Variants in AGAP1 observed in about 807,000 individuals in gnomAD.
AGAP1 encodes the protein arf-GAP with GTPase, ANK repeat and PH domain-containing protein 1.
Under a neutral mutation model 105.3 loss-of-function variants are expected in AGAP1, and 29 were observed. The observed-to-expected ratio is 0.28, with a 90% CI of 0.21 to 0.38. The LOEUF is 0.38. Among genes scored for constraint, AGAP1 ranks in the 10% least tolerant of loss-of-function variants. AGAP1 has a pLI of 1.00. For synonymous variants in AGAP1, 509 were observed against 485.9 expected, an observed-to-expected ratio of 1.05 and a Z score of -0.63; for missense variants, 998 against 1,165.1, an observed-to-expected ratio of 0.86 and a Z score of 2.09.
At chr2:235,696,778 A>G (rs1164579486) in intron 1 of AGAP1, among the ~76,000 whole-genome samples, 3 of 152,044 alleles carry the variant, frequency 2.0e-5, no homozygotes, top group Non-Finnish European at 4.4e-5. Context: ...TCCCCACCTT[A>G]TACGAGACCA....
chr2:235,825,438 A>G (rs1575562345), intron 9 of AGAP1, among the ~76,000 whole-genome samples: 2 of 152,070 alleles, frequency 1.3e-5, no homozygotes, highest in South Asian at 2.1e-4. Context: ...AACTATTATT[A>G]TTCATTTTAG....
chr2:235,547,386 T>A (rs2149107657), intron 1 of AGAP1, among the ~76,000 whole-genome samples: 1 of 146,188 alleles, frequency 6.8e-6, no homozygotes, highest in Admixed American at 7.1e-5. Context: ...TGAGATGGAG[T>A]CTCGCTCTGT....
chr2:236,071,522 C>T (rs1391443831), intron 16 of AGAP1, among the ~76,000 whole-genome samples: 1 of 152,184 alleles, frequency 6.6e-6, no homozygotes, highest in Non-Finnish European at 1.5e-5. Flanking sequence ...ACACTGGGGC[C>T]ATGCGATCTA....
At chr2:236,023,303 C>T (rs1300457066) in intron 13 of AGAP1, among the ~76,000 whole-genome samples, 1 of 152,110 alleles carries the variant, frequency 6.6e-6, no homozygotes, top group East Asian at 1.9e-4. Context: ...TCCAGCCTGG[C>T]ACCTCCCTTG....
chr2:235,780,292 T>C (rs1220172468), intron 6 of AGAP1, among the ~76,000 whole-genome samples: 2 of 152,232 alleles, frequency 1.3e-5, no homozygotes, highest in East Asian at 3.8e-4. Flanking sequence ...AAAGATATCA[T>C]TGGCAGATGC....
Position 236,078,037 on chromosome 2 carries a change from TTGTGTGTGTGTGTGTGTG to T in AGAP1, c.2114+28776_2114+28793del, listed in dbSNP as rs9287595. Among the ~76,000 whole-genome samples the T allele has an allele frequency of 5.7e-3, 803 of 140,498 alleles. 6 individuals carry two copies. Among genetic ancestry groups the T allele is most frequent in the African/African-American group, 0.021 (777 of 37,752 alleles). 92.2% of individuals were successfully genotyped at this position (140,498 alleles called of 152,430 possible). A position where few individuals can be genotyped will look rare whatever the true frequency, so the allele number is the denominator to read the frequency against. On this transcript the variant is annotated intron_variant, in intron 16 of 17. Coordinates refer to ENST00000304032, the MANE Select transcript of AGAP1 (RefSeq NM_001037131.3). The surrounding 1 kb of genome is among the most constrained non-coding windows in gnomAD (Gnocchi z 5.3). ...AGGGTTCTCCAGAGAAACAACCAAT[TTGTGTGTGTGTGTGTGTG>T]TGTGTGTGTGTGTGTGTGTAATCTG...
chr2:235,590,173 G>T (rs1460243110), intron 1 of AGAP1, among the ~76,000 whole-genome samples: 1 of 152,092 alleles, frequency 6.6e-6, no homozygotes, highest in Admixed American at 6.6e-5. Flanking sequence ...GAGCCACCGC[G>T]CCCGGCCCTT....
At chr2:235,895,307 TG>T (rs2050749801) in intron 10 of AGAP1, among the ~76,000 whole-genome samples, 1 of 152,084 alleles carries the variant, frequency 6.6e-6, no homozygotes, top group East Asian at 1.9e-4. Flanking sequence ...CCCGCTTGGT[TG>T]ATGTCCGTGC....
intron 1 of AGAP1, among the ~76,000 whole-genome samples, chr2:235,538,427 A>ATGTGTGTGTGTGTGTGTG (rs57515821): frequency 0.12 from 15,892 of 135,120 alleles, 1,289 homozygotes; most frequent in Admixed American, 0.18. Context: ...CTCAGCCACT[A>ATGTGTGTGTGTGTGTGTG]TGTGTGTGTG....
intron 1 of AGAP1, among the ~76,000 whole-genome samples, chr2:235,518,658 G>A (rs917420289): frequency 1.3e-5 from 2 of 152,160 alleles, no homozygotes; most frequent in Non-Finnish European, 2.9e-5. Context: ...GAGTGACATG[G>A]TGTTTTGAAT....
At chr2:235,773,738 A>T in intron 6 of AGAP1, 2 of 364,844 alleles carry the variant, frequency 5.5e-6, no homozygotes, top group South Asian at 4.4e-5. Flanking sequence ...GTCCTCTCCT[A>T]TGGAAGTTTC....
At chr2:235,933,277 C>G (rs2052813553) in intron 12 of AGAP1, among the ~76,000 whole-genome samples, 1 of 151,820 alleles carries the variant, frequency 6.6e-6, no homozygotes, top group South Asian at 2.1e-4. Flanking sequence ...GGACAAAGAC[C>G]CAGAGAGGAG....
intron 1 of AGAP1, among the ~76,000 whole-genome samples, chr2:235,511,703 C>G (rs1942118293): frequency 6.6e-5 from 10 of 152,128 alleles, no homozygotes; most frequent in Admixed American, 6.5e-4. Flanking sequence ...GAGAGTTCCC[C>G]TGGCAGTTCT....
chr2:235,833,211 C>T (rs1575579569), intron 9 of AGAP1, among the ~76,000 whole-genome samples: 1 of 152,196 alleles, frequency 6.6e-6, no homozygotes, highest in Non-Finnish European at 1.5e-5. Context: ...GCACCGTCGG[C>T]CTGCCGCCGT....
intron 8 of AGAP1, among the ~76,000 whole-genome samples, chr2:235,806,875 A>G (rs1446763971): frequency 6.6e-6 from 1 of 152,244 alleles, no homozygotes. Flanking sequence ...CCAAATAAAC[A>G]TTGAGCAGCC....
rs1358175715 is a variant in AGAP1 at position 235,724,078 on chromosome 2, C to G, written c.310+6434C>G. 6.6e-6 allele frequency among the ~76,000 whole-genome samples: 1 copy of G among 152,244 alleles called. No individual in the cohort carries two copies. Among genetic ancestry groups the G allele is most frequent in the Non-Finnish European group, 1.5e-5 (1 of 68,050 alleles). Reference sequence around the variant, plus strand: ...CAGGCATGATGTGGGAGCGTTGGCCCTGGCATTCCCGGGTCTTCATGAGCT... The same window carrying G: ...CAGGCATGATGTGGGAGCGTTGGCCGTGGCATTCCCGGGTCTTCATGAGCT... On this transcript the variant is annotated intron_variant, in intron 3 of 17. Transcript: ENST00000304032. This position sits in a 1 kb window ranked among gnomAD's most constrained non-coding sequence, Gnocchi z 4.9.
intron 16 of AGAP1, among the ~76,000 whole-genome samples, chr2:236,065,693 C>T (rs572358918): frequency 3.9e-5 from 6 of 152,240 alleles, no homozygotes; most frequent in African/African-American, 9.6e-5. Context: ...AACACATCAT[C>T]TCCATCATCC....
chr2:235,968,634 C>T lies in AGAP1; in HGVS notation c.1645+11C>T, dbSNP rs371594300. On this transcript the variant is annotated intron_variant, in intron 13 of 17. Coordinates refer to ENST00000304032, the MANE Select transcript of AGAP1 (RefSeq NM_001037131.3). ...CCGGCACTGCTGAAGGTAAGGGTTC[C>T]GCGGTGCCCCGGGAGAGAGTCTCCA... 122 of 1,595,532 alleles carry T rather than the reference C, an allele frequency of 7.6e-5. 1 individual carries two copies. The highest frequency in any genetic ancestry group is 3.3e-4 in the Middle Eastern group (2 of 6,026).
intron 9 of AGAP1, among the ~76,000 whole-genome samples, chr2:235,852,189 G>A (rs866682052): frequency 3.9e-5 from 6 of 152,330 alleles, no homozygotes; most frequent in African/African-American, 9.6e-5. Flanking sequence ...ATTTACTCGG[G>A]AAGAGGAAAA....
Sources: gnomAD v4.1 joint callset for allele counts (sites outside exome capture counted in the v4.1 genomes callset) on GRCh38, gnomAD v4.1.1 for gene constraint, Gnocchi (gnomAD v3.1) non-coding constraint, MANE v1.5 for transcripts, NCBI Gene and HGNC (gene_info 2026-07-23, HGNC 2026-07-21) for gene names.